Variants in CLIP2 observed in about 807,000 individuals in gnomAD.
CLIP2 encodes CAP-Gly domain-containing linker protein 2.
Under a neutral mutation model 111.7 loss-of-function variants are expected in CLIP2, and 41 were observed. The ratio of observed to expected loss-of-function variants is 0.37; its 90% CI spans 0.29 to 0.48. The LOEUF (loss-of-function observed/expected upper bound fraction) is 0.48, where lower values mean the gene tolerates loss of function less well. CLIP2 is among the 20% of genes least tolerant of loss of function. The pLI is 0.99. For missense variants in CLIP2, 1,160 were observed against 1,422.1 expected (o/e 0.82, Z 2.96); for synonymous variants, 660 against 644.2 (o/e 1.02, Z -0.37).
intron 12 of CLIP2, among the ~76,000 whole-genome samples, chr7:74,388,366 G>A (rs1307056438): frequency 6.6e-6 from 1 of 151,854 alleles, no homozygotes. Flanking sequence ...CAGGCATGGT[G>A]GTGGGCACCT....
chr7:74,348,801 A>AG (rs1789887297), intron 3 of CLIP2, among the ~76,000 whole-genome samples: 2 of 151,228 alleles, frequency 1.3e-5, no homozygotes, highest in Admixed American at 1.3e-4. Flanking sequence ...AAAAAAAAAA[A>AG]AAAAAAGAAT....
intron 1 of CLIP2, among the ~76,000 whole-genome samples, chr7:74,306,434 C>T (rs370282890): frequency 2.0e-5 from 3 of 152,170 alleles, no homozygotes; most frequent in Non-Finnish European, 2.9e-5. Context: ...GAGCCACGTC[C>T]GGGGTCTCTG....
chr7:74,327,722 TG>T (rs1257765435), intron 2 of CLIP2, among the ~76,000 whole-genome samples: 7 of 151,734 alleles, frequency 4.6e-5, no homozygotes, highest in African/African-American at 1.4e-4. Context: ...CTGTGGCTGG[TG>T]GGGGTGGGGG....
chr7:74,339,011 G>T lies in CLIP2; in HGVS notation c.678+7G>T. 6.3e-7 allele frequency: 1 copy of T among 1,593,042 alleles called. No homozygotes were observed. Among genetic ancestry groups the T allele is most frequent in the Non-Finnish European group, 8.5e-7 (1 of 1,176,478 alleles). Reference sequence around the variant, plus strand: ...CCTGGGGGACCGCGTGCTGGTGAGTGCGGGCAGTACTGGGCTCTGGGCCCA... The same window carrying T: ...CCTGGGGGACCGCGTGCTGGTGAGTTCGGGCAGTACTGGGCTCTGGGCCCA... On this transcript the variant is annotated splice_region_variant and intron_variant, in intron 3 of 16. Coordinates refer to ENST00000223398, the MANE Select transcript of CLIP2 (RefSeq NM_003388.5).
intron 2 of CLIP2, among the ~76,000 whole-genome samples, chr7:74,337,924 T>C (rs1220502876): frequency 1.3e-5 from 2 of 152,102 alleles, no homozygotes; most frequent in African/African-American, 4.8e-5. Context: ...GGGCGTACTT[T>C]CCTGGGGACG....
At chr7:74,328,014 T>C (rs1554730849) in intron 2 of CLIP2, among the ~76,000 whole-genome samples, 1 of 152,116 alleles carries the variant, frequency 6.6e-6, no homozygotes, top group African/African-American at 2.4e-5. Context: ...CAGCAGAGCC[T>C]GGGATTCAGG....
At chr7:74,295,579 G>C (rs1554725970) in intron 1 of CLIP2, among the ~76,000 whole-genome samples, 1 of 152,154 alleles carries the variant, frequency 6.6e-6, no homozygotes, top group Non-Finnish European at 1.5e-5. Flanking sequence ...CTCATGTTCA[G>C]CTTCTTTGGA....
intron 14 of CLIP2, 26 bp downstream of exon 14, chr7:74,397,259 G>A (rs369933569): frequency 1.1e-5 from 18 of 1,609,986 alleles, no homozygotes; most frequent in Non-Finnish European, 1.4e-5. Context: ...GTGGCCTAGG[G>A]GCAGGGGCAC....
At chr7:74,346,448 C>T (rs116759523) in intron 3 of CLIP2, among the ~76,000 whole-genome samples, 2,675 of 152,248 alleles carry the variant, frequency 0.018, 70 homozygotes, top group African/African-American at 0.061. Flanking sequence ...TGCATCTGGG[C>T]ACAGTGGCTC....
chr7:74,400,232 T>A, intron 14 of CLIP2, 138 bp from the exon 15 acceptor site: 1 of 651,610 alleles, frequency 1.5e-6, no homozygotes, highest in Non-Finnish European at 2.5e-6. Context: ...CACAGAGGCC[T>A]GAGGGACCTC....
At chr7:74,398,667 G>T (rs991956842) in intron 14 of CLIP2, among the ~76,000 whole-genome samples, 1 of 152,232 alleles carries the variant, frequency 6.6e-6, no homozygotes, top group Admixed American at 6.5e-5. Flanking sequence ...TGGCCCTCAG[G>T]GTTCCGGGAT....
intron 1 of CLIP2, among the ~76,000 whole-genome samples, chr7:74,306,928 C>A (rs1490220696): frequency 6.6e-6 from 1 of 152,238 alleles, no homozygotes; most frequent in Non-Finnish European, 1.5e-5. Context: ...CCCAGGCTTC[C>A]CCGCCTCCCA....
chr7:74,307,977 A>G (rs990948113), intron 1 of CLIP2, among the ~76,000 whole-genome samples: 1 of 152,276 alleles, frequency 6.6e-6, no homozygotes, highest in Admixed American at 6.6e-5. Flanking sequence ...CTGGGTTCCC[A>G]GAGAGGAGAG....
chr7:74,376,063 G>T lies in CLIP2; in HGVS notation c.1662G>T (p.Lys554Asn). ...GGGAGCGGCTGCTCTCGGCCAGCAA[G>T]GAACACCAGAGGGAGAGTGGGGTGC... is the stretch of plus-strand genomic sequence containing the variant. ...RLRERLLSAS[K>N]EHQRESGVLR... Residue 554 changes from lysine (K) to asparagine (N), a missense_variant, in exon 10 of 17, where the codon AAG (lysine) becomes AAT (asparagine). Coordinates refer to ENST00000223398, the MANE Select transcript of CLIP2 (RefSeq NM_003388.5). The surrounding 1 kb of genome is among the most constrained non-coding windows in gnomAD (Gnocchi z 7.1). 6.2e-7 allele frequency: 1 copy of T among 1,612,944 alleles called. No homozygotes were observed. The highest frequency in any genetic ancestry group is 2.2e-5 in the East Asian group (1 of 44,862).
At chr7:74,372,808 C>T (rs1036370813) in intron 8 of CLIP2, 124 bp from the exon 9 acceptor site, 6 of 668,648 alleles carry the variant, frequency 9.0e-6, no homozygotes, top group African/African-American at 7.2e-5. Flanking sequence ...GCCTTGTTCA[C>T]GGAAGATGAC....
In CLIP2 at chr7:74,405,757, G is replaced by T. The variant is rs1256774637; in HGVS notation, c.*1909G>T. On this transcript the variant is annotated 3_prime_UTR_variant, in exon 17 of 17. Coordinates refer to ENST00000223398, the MANE Select transcript of CLIP2 (RefSeq NM_003388.5). ...CCTGGTGACGGGTGTCCAAGAAGCGGTTTCCTTGGGAGCTTCTGCCTCCGT... is the reference window on the plus strand; with the variant it reads ...CCTGGTGACGGGTGTCCAAGAAGCGTTTTCCTTGGGAGCTTCTGCCTCCGT... 6 of 152,670 alleles carry T rather than the reference G, an allele frequency of 3.9e-5. No individual in the cohort carries two copies. The highest frequency in any genetic ancestry group is 1.4e-4 in the African/African-American group (6 of 41,454). 9.5% of individuals were successfully genotyped at this position (152,670 alleles called of 1,614,324 possible). A position where few individuals can be genotyped will look rare whatever the true frequency, so the allele number is the denominator to read the frequency against.
At chr7:74,297,026 C>T (rs1310422077) in intron 1 of CLIP2, among the ~76,000 whole-genome samples, 3 of 152,194 alleles carry the variant, frequency 2.0e-5, no homozygotes, top group African/African-American at 7.2e-5. Context: ...GCCTTTCTGA[C>T]ACAGGTATCT....
chr7:74,334,431 C>G (rs180835879), intron 2 of CLIP2, among the ~76,000 whole-genome samples: 175 of 152,156 alleles, frequency 1.2e-3, no homozygotes, highest in African/African-American at 3.7e-3. Flanking sequence ...CGCCTGGGCC[C>G]GGACAGCTGG....
intron 6 of CLIP2, among the ~76,000 whole-genome samples, chr7:74,358,768 G>C (rs1790227148): frequency 6.6e-6 from 1 of 151,722 alleles, no homozygotes; most frequent in African/African-American, 2.4e-5. Context: ...ACGGAGTCTT[G>C]CTATGTTGCC....
Sources: allele counts gnomAD v4.1 joint callset (sites outside exome capture counted in the v4.1 genomes callset), GRCh38; gene constraint gnomAD v4.1.1; non-coding constraint Gnocchi (gnomAD v3.1); transcripts MANE v1.5; gene names NCBI Gene and HGNC (gene_info 2026-07-23, HGNC 2026-07-21).